UIMC1: variants seen among roughly 807,000 people sequenced by gnomAD.
The protein encoded by UIMC1 is BRCA1-A complex subunit RAP80.
UIMC1 carries 42 observed loss-of-function variants against 84.9 expected under a neutral mutation model. That is an observed-to-expected ratio of 0.49 (90% CI 0.39 to 0.64). The LOEUF (loss-of-function observed/expected upper bound fraction) is 0.64, where lower values mean the gene tolerates loss of function less well. Ranked by LOEUF, UIMC1 falls within the 30% of genes least tolerant of loss-of-function variation. The pLI is 0.00. For missense variants in UIMC1, 825 were observed against 847.6 expected, an observed-to-expected ratio of 0.97 and a Z score of 0.33; for synonymous variants, 281 against 293.0, an observed-to-expected ratio of 0.96 and a Z score of 0.42.
At chr5:176,981,531 T>C (rs1212038758) in intron 2 of UIMC1, among the ~76,000 whole-genome samples, 2 of 152,148 alleles carry the variant, frequency 1.3e-5, no homozygotes, top group African/African-American at 4.8e-5. Context: ...CCAGATGCAG[T>C]GGTTCACATC....
chr5:176,940,780 C>A (rs373912207), intron 10 of UIMC1, among the ~76,000 whole-genome samples: 1 of 152,130 alleles, frequency 6.6e-6, no homozygotes, highest in Non-Finnish European at 1.5e-5. Flanking sequence ...GGAATGGTAA[C>A]AACAGCTAAT....
intron 3 of UIMC1, 54 bp from the exon 4 acceptor site, chr5:176,970,920 A>C: frequency 6.3e-7 from 1 of 1,588,296 alleles, no homozygotes; most frequent in Non-Finnish European, 8.6e-7. Flanking sequence ...CTGAATAATC[A>C]TGGAGGCAAG....
chr5:176,992,083 A>C (rs568327425), intron 1 of UIMC1, among the ~76,000 whole-genome samples: 1 of 149,674 alleles, frequency 6.7e-6, no homozygotes, highest in African/African-American at 2.4e-5. Flanking sequence ...TGATGGCGCC[A>C]CTGCACTCTA....
rs184562493 is a variant in UIMC1, at chr5:176,956,242, C to T, written c.1263-207G>A. On this transcript the variant is annotated intron_variant, in intron 7 of 14. Transcript: ENST00000511320. ...AATAAATATGCTTACAACTTCAGTTCCAGTGAAATCACTGAATGAAAACAA... is the reference window on the plus strand; with the variant it reads ...AATAAATATGCTTACAACTTCAGTTTCAGTGAAATCACTGAATGAAAACAA... 1.0e-3 allele frequency among the ~76,000 whole-genome samples: 153 copies of T among 152,316 alleles called. No homozygotes were observed. In the Middle Eastern group the frequency reaches 0.024, roughly 24 times the overall value.
At chr5:176,942,414 C>T (rs893398309) in intron 10 of UIMC1, among the ~76,000 whole-genome samples, 3 of 152,090 alleles carry the variant, frequency 2.0e-5, no homozygotes, top group African/African-American at 7.2e-5. Context: ...TTCTAGCCTA[C>T]CTATGTAAAA....
chr5:176,967,616 T>C (rs1768495141), intron 6 of UIMC1, among the ~76,000 whole-genome samples: 1 of 152,064 alleles, frequency 6.6e-6, no homozygotes, highest in African/African-American at 2.4e-5. Context: ...TAATAATAAT[T>C]TTTAGACCAG....
At chr5:176,912,056 G>GA (rs1760282584) in intron 10 of UIMC1, among the ~76,000 whole-genome samples, 1 of 152,192 alleles carries the variant, frequency 6.6e-6, no homozygotes, top group East Asian at 1.9e-4. Context: ...TGCATAACAA[G>GA]AAAAACTACA....
chr5:176,982,366 T>G, intron 2 of UIMC1, 103 bp downstream of exon 2: 63 of 1,346,782 alleles, frequency 4.7e-5, no homozygotes, highest in Non-Finnish European at 6.3e-5. Flanking sequence ...ATGGTTTTGG[T>G]GAGCTGGCAT....
chr5:177,013,156 G>A (rs1775590354), intron 1 of UIMC1, among the ~76,000 whole-genome samples: 1 of 151,164 alleles, frequency 6.6e-6, no homozygotes, highest in Non-Finnish European at 1.5e-5. Context: ...TGGATCAGCT[G>A]AGGTCAGGAG....
chr5:177,016,769 T>C (rs1285349704), intron 1 of UIMC1, among the ~76,000 whole-genome samples: 6 of 151,266 alleles, frequency 4.0e-5, no homozygotes, highest in African/African-American at 1.5e-4. Flanking sequence ...ATGCCTGTAA[T>C]CCCAGAACTT....
intron 10 of UIMC1, among the ~76,000 whole-genome samples, chr5:176,937,757 A>C (rs1209660859): frequency 2.0e-5 from 3 of 152,188 alleles, no homozygotes; most frequent in Non-Finnish European, 4.4e-5. Flanking sequence ...CAGCCAAACC[A>C]AGCACGTCTA....
intron 9 of UIMC1, among the ~76,000 whole-genome samples, chr5:176,945,245 A>G (rs1051502357): frequency 6.6e-6 from 1 of 152,204 alleles, no homozygotes; most frequent in Non-Finnish European, 1.5e-5. Flanking sequence ...TCCAAATTTA[A>G]TCACTAAGCT....
At position 176,982,507 on chromosome 5, in the gene UIMC1, C is replaced by A; in HGVS notation, c.109G>T (p.Glu37Ter). 1 of 1,614,092 alleles carries A rather than the reference C, an allele frequency of 6.2e-7. No homozygotes were observed. Among genetic ancestry groups the A allele is most frequent in the Non-Finnish European group, 8.5e-7 (1 of 1,180,016 alleles). Residue 37 changes from glutamate (E) to a stop codon, truncating the protein, a stop_gained, in exon 2 of 15, where the codon GAG (glutamate) becomes TAG (stop). Coordinates refer to ENST00000511320, the MANE Select transcript of UIMC1 (RefSeq NM_001199298.2). LOFTEE classifies it high-confidence loss of function. ...TCGGATATCACAATGAATGCATCCT[C>A]AAGTCTACGCTTCCTCTTCACACTG... is the stretch of plus-strand genomic sequence containing the variant. ...SVSVKRKRRL[E>*]DAFIVISDSD...
At chr5:176,988,177 C>A in intron 1 of UIMC1, among the ~76,000 whole-genome samples, 1 of 143,956 alleles carries the variant, frequency 6.9e-6, no homozygotes, top group African/African-American at 2.6e-5. Context: ...ATGAGGGAAA[C>A]GCAAATCAAA....
intron 8 of UIMC1, among the ~76,000 whole-genome samples, chr5:176,952,850 A>G (rs1766061667): frequency 1.3e-5 from 2 of 152,174 alleles, no homozygotes; most frequent in South Asian, 2.1e-4. Flanking sequence ...ATCACTTAAT[A>G]TAACAACAAT....
At chr5:177,011,113 C>T (rs1468602186), upstream of UIMC1, among the ~76,000 whole-genome samples, 1 of 151,716 alleles carries the variant, frequency 6.6e-6, no homozygotes, top group East Asian at 1.9e-4. Flanking sequence ...ATAGCTTGAG[C>T]CCGGGAGGCA....
chr5:176,990,457 G>A (rs1312294050), intron 1 of UIMC1, among the ~76,000 whole-genome samples: 1 of 152,058 alleles, frequency 6.6e-6, no homozygotes, highest in African/African-American at 2.4e-5. Flanking sequence ...AAGATATTCT[G>A]TTATAGCAGC....
intron 1 of UIMC1, among the ~76,000 whole-genome samples, chr5:176,997,851 CT>C (rs1291904621): frequency 6.6e-6 from 1 of 152,136 alleles, no homozygotes; most frequent in African/African-American, 2.4e-5. Context: ...AGCCATACTC[CT>C]TTAATGTCAT....
At chr5:176,910,265 G>C (rs1398704653) in intron 11 of UIMC1, among the ~76,000 whole-genome samples, 3 of 152,228 alleles carry the variant, frequency 2.0e-5, no homozygotes, top group Non-Finnish European at 4.4e-5. Context: ...CAGGGTCTAA[G>C]ATCTGTGTTT....
Sources: allele counts gnomAD v4.1 joint callset (sites outside exome capture counted in the v4.1 genomes callset), GRCh38; gene constraint gnomAD v4.1.1; transcripts MANE v1.5; gene names NCBI Gene and HGNC (gene_info 2026-07-23, HGNC 2026-07-21).